The following ATG7 variants were observed in gnomAD, a reference collection of about 807,000 sequenced individuals.
The protein encoded by ATG7 is ubiquitin-like modifier-activating enzyme ATG7.
Under a neutral mutation model 82.4 loss-of-function variants are expected in ATG7, and 70 were observed. That is an observed-to-expected ratio of 0.85 (90% CI 0.70 to 1.04). The LOEUF is 1.04. ATG7 is among the 50% of genes least tolerant of loss of function. The pLI is 0.00. For missense variants in ATG7, 792 were observed against 864.3 expected (o/e 0.92, Z 1.05); for synonymous variants, 287 against 313.0 (o/e 0.92, Z 0.88).
intron 3 of ATG7, among the ~76,000 whole-genome samples, chr3:11,284,334 C>T (rs1414037675): frequency 6.6e-6 from 1 of 152,134 alleles, no homozygotes; most frequent in Admixed American, 6.5e-5. Context: ...CTATAAGCAG[C>T]CAAGCCAAAA....
At chr3:11,370,582 G>A (rs1008900802) in intron 18 of ATG7, among the ~76,000 whole-genome samples, 1 of 151,232 alleles carries the variant, frequency 6.6e-6, no homozygotes, top group Non-Finnish European at 1.5e-5. Context: ...AAAGCAGCAA[G>A]TTCCAGTTGT....
intron 19 of ATG7, among the ~76,000 whole-genome samples, chr3:11,412,900 G>T (rs955293222): frequency 6.6e-6 from 1 of 151,870 alleles, no homozygotes; most frequent in Non-Finnish European, 1.5e-5. Flanking sequence ...AATTTTTATT[G>T]TATAAGTCTT....
At chr3:11,383,491 A>C (rs1397440054) in intron 19 of ATG7, among the ~76,000 whole-genome samples, 2 of 152,096 alleles carry the variant, frequency 1.3e-5, no homozygotes, top group Non-Finnish European at 2.9e-5. Flanking sequence ...TACCTTCTCC[A>C]ACAGTGAGAA....
intron 20 of ATG7, among the ~76,000 whole-genome samples, chr3:11,507,916 G>GTC (rs1251874205): frequency 6.6e-6 from 1 of 151,434 alleles, no homozygotes; most frequent in African/African-American, 2.4e-5. Context: ...GGGAAACACA[G>GTC]TCTGTAGTTG....
At chr3:11,534,306 G>A (rs769832195) in intron 20 of ATG7, among the ~76,000 whole-genome samples, 22 of 152,262 alleles carry the variant, frequency 1.4e-4, no homozygotes, top group Non-Finnish European at 2.5e-4. Flanking sequence ...GCAGATGCCC[G>A]TTCTGCAAAG....
chr3:11,325,563 C>T (rs1452593593), intron 9 of ATG7, among the ~76,000 whole-genome samples: 9 of 151,676 alleles, frequency 5.9e-5, no homozygotes, highest in African/African-American at 1.7e-4. Flanking sequence ...CCCAGCTACT[C>T]GGGAGGCTGA....
chr3:11,501,326 G>GGAT (rs1252598003), intron 20 of ATG7, among the ~76,000 whole-genome samples: 3 of 152,138 alleles, frequency 2.0e-5, no homozygotes, highest in Non-Finnish European at 4.4e-5. Flanking sequence ...ATTAACCCAG[G>GGAT]GATATCAGAA....
intron 20 of ATG7, among the ~76,000 whole-genome samples, chr3:11,506,162 T>C (rs1284847340): frequency 6.6e-6 from 1 of 152,164 alleles, no homozygotes; most frequent in Non-Finnish European, 1.5e-5. Context: ...CCAGGTACGT[T>C]TGTGTATTAG....
At chr3:11,479,039 C>CACACACA (rs1384580179) in intron 20 of ATG7, among the ~76,000 whole-genome samples, 1 of 149,498 alleles carries the variant, frequency 6.7e-6, no homozygotes, top group African/African-American at 2.5e-5. Context: ...CACACACACA[C>CACACACA]AATTTTTTAC....
intron 20 of ATG7, among the ~76,000 whole-genome samples, chr3:11,475,806 A>G (rs1026973361): frequency 2.6e-5 from 4 of 151,054 alleles, no homozygotes; most frequent in African/African-American, 9.7e-5. Flanking sequence ...CCTGTACCCT[A>G]AGTAGGCAGT....
intron 9 of ATG7, among the ~76,000 whole-genome samples, chr3:11,320,322 T>G (rs1351397311): frequency 6.6e-6 from 1 of 152,038 alleles, no homozygotes; most frequent in Non-Finnish European, 1.5e-5. Flanking sequence ...TTTCACTCTT[T>G]GTTGCCCAGG....
intron 20 of ATG7, among the ~76,000 whole-genome samples, chr3:11,553,214 T>A (rs1321666916): frequency 5.9e-5 from 9 of 152,236 alleles, no homozygotes; most frequent in Admixed American, 5.2e-4. Context: ...TGAAGCTTGC[T>A]TGCTGTGTGA....
At chr3:11,549,064 C>CTT (rs151136027) in intron 20 of ATG7, among the ~76,000 whole-genome samples, 2 of 147,074 alleles carry the variant, frequency 1.4e-5, no homozygotes, top group African/African-American at 5.0e-5. Context: ...CTCAGTGCAG[C>CTT]TTTTTTTTTT....
chr3:11,481,875 C>G (rs1460868331), intron 20 of ATG7, among the ~76,000 whole-genome samples: 1 of 152,178 alleles, frequency 6.6e-6, no homozygotes, highest in Non-Finnish European at 1.5e-5. Flanking sequence ...GGCCAAAGGC[C>G]TTTGGCCTGG....
Position 11,399,857 on chromosome 3 carries a change from C to T in ATG7, c.1956+19805C>T, listed in dbSNP as rs144797897. On this transcript the variant is annotated intron_variant, in intron 19 of 20. Transcript: ENST00000693202. The stretch of plus-strand genomic sequence containing the variant: ...CCAAAGTGCTGGGATTACACGTGAG[C>T]CACAGTGCCTGGCGTGGAAGCGACT... Among the ~76,000 whole-genome samples, 105 of 152,304 alleles carry T rather than the reference C, an allele frequency of 6.9e-4. 1 individual carries two copies. The East Asian group carries it at 0.019, about 28-fold the overall frequency.
At chr3:11,399,346 T>A (rs771836064) in intron 19 of ATG7, among the ~76,000 whole-genome samples, 5 of 152,048 alleles carry the variant, frequency 3.3e-5, no homozygotes, top group African/African-American at 4.8e-5. Context: ...AGACACTGTC[T>A]CAAAAAATAG....
rs191880529 is a variant in ATG7, at chr3:11,546,582, C to G, written c.2080-8229C>G. 4.6e-3 allele frequency among the ~76,000 whole-genome samples: 707 copies of G among 152,330 alleles called. 4 individuals carry two copies. Among genetic ancestry groups the G allele is most frequent in the African/African-American group, 0.016 (668 of 41,578 alleles). ...TGTTTATAAAAGAAGAACCTTAGTT[C>G]ATGGCATGCTTCAGGCAGTGTGGTC... On this transcript the variant is annotated intron_variant, in intron 20 of 20. Coordinates refer to ENST00000693202, the MANE Select transcript of ATG7 (RefSeq NM_001349232.2).
chr3:11,474,260 A>G (rs962661415), intron 20 of ATG7, among the ~76,000 whole-genome samples: 1 of 152,250 alleles, frequency 6.6e-6, no homozygotes, highest in Non-Finnish European at 1.5e-5. Context: ...AGTTCTATAA[A>G]TAAATGAAAA....
chr3:11,375,804 C>T lies in ATG7; in HGVS notation c.1876-4168C>T, dbSNP rs187840456. ...TGAATTCCCGACCTTGTGATCCGGC[C>T]GCCTCAGCTTCCCAAAGTGCTGGGA... On this transcript the variant is annotated intron_variant, in intron 18 of 20. Transcript: ENST00000693202. 7.7e-4 allele frequency among the ~76,000 whole-genome samples: 117 copies of T among 152,310 alleles called. No individual in the cohort carries two copies. The East Asian group carries it at 0.015, about 20-fold the overall frequency.
Sources: gnomAD v4.1 joint callset for allele counts (sites outside exome capture counted in the v4.1 genomes callset) on GRCh38, gnomAD v4.1.1 for gene constraint, MANE v1.5 for transcripts, NCBI Gene and HGNC (gene_info 2026-07-23, HGNC 2026-07-21) for gene names.